ITGB3: variants seen among roughly 807,000 people sequenced by gnomAD.
ITGB3 encodes the protein integrin subunit beta 3.
A neutral mutation model predicts 85.8 loss-of-function variants in ITGB3; 48 were observed. The ratio of observed to expected loss-of-function variants is 0.56; its 90% confidence interval spans 0.44 to 0.71. The LOEUF (loss-of-function observed/expected upper bound fraction) is 0.71. Among genes scored for constraint, ITGB3 ranks in the 30% least tolerant of loss-of-function variants. ITGB3 has a pLI of 0.00. For missense variants in ITGB3, 861 were observed against 1,019.1 expected (o/e 0.84, Z 2.11); for synonymous variants, 363 against 395.6 (o/e 0.92, Z 0.98).
At chr17:47,274,583 C>T in intron 2 of ITGB3, 79 bp downstream of exon 2, 2 of 1,236,594 alleles carry the variant, frequency 1.6e-6, no homozygotes, top group South Asian at 2.4e-5. Context: ...GAAGTTATCA[C>T]CTCCCTCTTG....
chr17:47,300,006 A>G (rs955782519), intron 11 of ITGB3, among the ~76,000 whole-genome samples: 7 of 152,224 alleles, frequency 4.6e-5, no homozygotes, highest in Non-Finnish European at 1.0e-4. Context: ...TGTGCAACCT[A>G]TGCAGCTGTA....
chr17:47,258,788 C>T (rs112770383), intron 1 of ITGB3, among the ~76,000 whole-genome samples: 3,747 of 152,296 alleles, frequency 0.025, 161 homozygotes, highest in African/African-American at 0.084. Flanking sequence ...CAACCCTCGT[C>T]GGTTGCAACT....
intron 1 of ITGB3, among the ~76,000 whole-genome samples, chr17:47,260,281 G>A (rs1442716701): frequency 6.6e-6 from 1 of 152,068 alleles, no homozygotes; most frequent in Non-Finnish European, 1.5e-5. Context: ...GGTGTCCCAG[G>A]GGCTGCAAAG....
At chr17:47,301,102 G>A (rs11867192) in intron 12 of ITGB3, among the ~76,000 whole-genome samples, 13,131 of 152,116 alleles carry the variant, frequency 0.086, 612 homozygotes, top group East Asian at 0.19. Context: ...GCCTCTCTGG[G>A]GCCCCTTTTG....
chr17:47,269,330 C>A (rs1235679886), intron 1 of ITGB3, among the ~76,000 whole-genome samples: 1 of 152,162 alleles, frequency 6.6e-6, no homozygotes, highest in African/African-American at 2.4e-5. Flanking sequence ...ATGGGTTTTT[C>A]TTTTCTATCA....
At chr17:47,302,088 G>A (rs181699779) in intron 12 of ITGB3, among the ~76,000 whole-genome samples, 2 of 152,174 alleles carry the variant, frequency 1.3e-5, no homozygotes, top group East Asian at 3.9e-4. Context: ...GCTAGTGGAG[G>A]GTAACCCCTA....
chr17:47,274,606 C>T (rs559715688), intron 2 of ITGB3, 102 bp downstream of exon 2: 1 of 966,614 alleles, frequency 1.0e-6, no homozygotes, highest in East Asian at 2.5e-5. Flanking sequence ...TACACATGCC[C>T]CTTATCCCTT....
chr17:47,302,204 G>A (rs951230055), intron 12 of ITGB3, among the ~76,000 whole-genome samples: 4 of 152,042 alleles, frequency 2.6e-5, no homozygotes, highest in Admixed American at 2.6e-4. Flanking sequence ...TACTGGATCA[G>A]AAACAGAAAT....
chr17:47,300,437 G>C (rs183770533), intron 11 of ITGB3, 41 bp from the exon 12 acceptor site: 1 of 1,459,854 alleles, frequency 6.9e-7, no homozygotes. Context: ...GCTTAGGCTT[G>C]CTCCTTCTTT....
chr17:47,295,373 G>T (rs532347292), intron 10 of ITGB3, among the ~76,000 whole-genome samples: 19 of 152,134 alleles, frequency 1.2e-4, no homozygotes, highest in Non-Finnish European at 2.8e-4. Flanking sequence ...TTAAGCACCC[G>T]TTCCTCCCTC....
chr17:47,273,803 T>C (rs2065053553), intron 1 of ITGB3, among the ~76,000 whole-genome samples: 1 of 152,236 alleles, frequency 6.6e-6, no homozygotes, highest in Non-Finnish European at 1.5e-5. Flanking sequence ...TCAGTCAGCC[T>C]TTTCTAACAT....
intron 1 of ITGB3, chr17:47,259,453 C>T (rs1445343272): frequency 6.6e-6 from 1 of 151,820 alleles, no homozygotes. Context: ...GTCATGTTCC[C>T]ATGAAAAGAC....
At chr17:47,274,629 T>C (rs1316066460) in intron 2 of ITGB3, 125 bp downstream of exon 2, 20 of 815,794 alleles carry the variant, frequency 2.5e-5, no homozygotes, top group Non-Finnish European at 3.9e-5. Flanking sequence ...AAGCAAAACT[T>C]TGATGAATTT....
chr17:47,283,634 G>A (rs2143090692), intron 3 of ITGB3, 85 bp downstream of exon 3: 1 of 1,326,308 alleles, frequency 7.5e-7, no homozygotes, highest in Non-Finnish European at 1.1e-6. Flanking sequence ...AAGTCTTGGG[G>A]AAGTAGCTCA....
At chr17:47,254,388 G>A (rs960850814) in intron 1 of ITGB3, among the ~76,000 whole-genome samples, 4 of 152,116 alleles carry the variant, frequency 2.6e-5, no homozygotes, top group African/African-American at 9.7e-5. Context: ...GGGTGAGAGC[G>A]TGCGCGCGCG....
intron 6 of ITGB3, among the ~76,000 whole-genome samples, chr17:47,288,204 GAA>G (rs1491190539): frequency 3.2e-4 from 40 of 126,078 alleles, no homozygotes; most frequent in Middle Eastern, 4.1e-3. Context: ...CCTTCTCTTA[GAA>G]AGAGAGAGAG....
Position 47,290,437 on chromosome 17 carries a change from G to A in ITGB3, c.1125+163G>A, listed in dbSNP as rs572196123. ...GGCAATGGCCCGCTCTAGAAGGGAT[G>A]CAGCCTTCTGAGAAGGAAGGAAGGA... is the stretch of plus-strand genomic sequence containing the variant. On this transcript the variant is annotated intron_variant, in intron 8 of 14. Coordinates refer to ENST00000559488, the MANE Select transcript of ITGB3 (RefSeq NM_000212.3). Among the ~76,000 whole-genome samples, 6 of 143,710 alleles carry A rather than the reference G, an allele frequency of 4.2e-5. No homozygotes were observed. In the South Asian group the frequency reaches 1.4e-3, roughly 34 times the overall value. 94.3% of individuals were successfully genotyped at this position (143,710 alleles called of 152,430 possible).
chr17:47,273,197 A>G (rs543575338), intron 1 of ITGB3, among the ~76,000 whole-genome samples: 3 of 152,334 alleles, frequency 2.0e-5, no homozygotes, highest in Admixed American at 6.5e-5. Flanking sequence ...AGACAGCTAA[A>G]TGAGAAGTTT....
At chr17:47,300,339 G>A (rs2065161678) in intron 11 of ITGB3, 139 bp from the exon 12 acceptor site, 5 of 643,338 alleles carry the variant, frequency 7.8e-6, no homozygotes, top group Admixed American at 2.2e-5. Flanking sequence ...TTACAGGCGC[G>A]CGCGCGCGTG....
Sources: allele counts gnomAD v4.1 joint callset (sites outside exome capture counted in the v4.1 genomes callset), GRCh38; gene constraint gnomAD v4.1.1; transcripts MANE v1.5; gene names NCBI Gene and HGNC (gene_info 2026-07-23, HGNC 2026-07-21).